The following GFPT1 variants were observed in gnomAD, a reference collection of about 807,000 sequenced individuals.
GFPT1 encodes the protein glutamine--fructose-6-phosphate transaminase 1.
A neutral mutation model predicts 92.0 loss-of-function variants in GFPT1; 40 were observed. The observed-to-expected ratio is 0.43, with a 90% confidence interval of 0.34 to 0.57. GFPT1 has a LOEUF of 0.57. Ranked by LOEUF, GFPT1 falls within the 20% of genes least tolerant of loss-of-function variation. The pLI is 0.02. For missense variants in GFPT1, 448 were observed against 869.1 expected (o/e 0.52, Z 6.09); for synonymous variants, 269 against 280.6 (o/e 0.96, Z 0.41).
chr2:69,328,140 T>A (rs1471393864), intron 18 of GFPT1, 131 bp downstream of exon 18: 2 of 726,568 alleles, frequency 2.8e-6, no homozygotes, highest in Non-Finnish European at 5.0e-6. Context: ...ATTCCTCACA[T>A]GTAAACCTCA....
intron 12 of GFPT1, among the ~76,000 whole-genome samples, chr2:69,344,184 A>G (rs1671023990): frequency 7.3e-6 from 1 of 136,416 alleles, no homozygotes; most frequent in Non-Finnish European, 1.6e-5. Flanking sequence ...ATAAAAGCAA[A>G]GCAAAAAAAA....
At chr2:69,330,975 CA>C (rs1345507989) in intron 15 of GFPT1, among the ~76,000 whole-genome samples, 1 of 152,104 alleles carries the variant, frequency 6.6e-6, no homozygotes, top group Admixed American at 6.5e-5. Flanking sequence ...CACACAGGCT[CA>C]AAACGTACTA....
At chr2:69,378,154 G>A (rs892222851) in intron 1 of GFPT1, among the ~76,000 whole-genome samples, 8 of 152,204 alleles carry the variant, frequency 5.3e-5, no homozygotes, top group South Asian at 2.1e-4. Flanking sequence ...TACAGTGGCC[G>A]CCGCCATGCC....
At chr2:69,334,410 T>C (rs1169087150) in intron 15 of GFPT1, among the ~76,000 whole-genome samples, 4 of 152,146 alleles carry the variant, frequency 2.6e-5, no homozygotes, top group Non-Finnish European at 5.9e-5. Context: ...ACTAAAAAGA[T>C]GCTAATTTTT....
intron 15 of GFPT1, among the ~76,000 whole-genome samples, chr2:69,332,497 T>G (rs1025319668): frequency 6.6e-6 from 1 of 151,656 alleles, no homozygotes; most frequent in Non-Finnish European, 1.5e-5. Flanking sequence ...CGTGTTTTTT[T>G]AGTAGAGACG....
chr2:69,356,705 CACTT>C (rs1671346396), intron 6 of GFPT1, 148 bp from the exon 7 acceptor site: 1 of 686,424 alleles, frequency 1.5e-6, no homozygotes, highest in African/African-American at 1.8e-5. Context: ...TTTAAGTAAA[CACTT>C]ACTCCTAAGC....
At chr2:69,340,408 C>T (rs151152343) in intron 13 of GFPT1, among the ~76,000 whole-genome samples, 23 of 152,152 alleles carry the variant, frequency 1.5e-4, no homozygotes, top group African/African-American at 4.8e-4. Flanking sequence ...CCACTGAATG[C>T]CACTACAAAA....
chr2:69,329,048 C>T (rs567963581), intron 17 of GFPT1, among the ~76,000 whole-genome samples: 1 of 152,198 alleles, frequency 6.6e-6, no homozygotes, highest in South Asian at 2.1e-4. Flanking sequence ...AATCTTTATT[C>T]ATATTTGAAC....
At chr2:69,343,060 G>C (rs971033559) in intron 12 of GFPT1, among the ~76,000 whole-genome samples, 10 of 152,106 alleles carry the variant, frequency 6.6e-5, no homozygotes, top group African/African-American at 2.4e-4. Flanking sequence ...CTCTTACAGT[G>C]ATCCTTTAAA....
intron 19 of GFPT1, among the ~76,000 whole-genome samples, chr2:69,326,467 A>G (rs549646205): frequency 2.0e-5 from 3 of 152,346 alleles, no homozygotes; most frequent in Non-Finnish European, 4.4e-5. Flanking sequence ...GTTCACACAG[A>G]AAGAGCTACT....
intron 3 of GFPT1, among the ~76,000 whole-genome samples, chr2:69,366,129 T>C (rs749374343): frequency 1.4e-5 from 2 of 147,892 alleles, no homozygotes; most frequent in Admixed American, 6.6e-5. Context: ...GACAACTTTT[T>C]TAAGCTAACT....
intron 15 of GFPT1, among the ~76,000 whole-genome samples, chr2:69,336,816 C>A (rs1454211154): frequency 6.6e-6 from 1 of 151,802 alleles, no homozygotes; most frequent in Non-Finnish European, 1.5e-5. Flanking sequence ...CCAAACAAAC[C>A]TAAAACCCCA....
intron 3 of GFPT1, among the ~76,000 whole-genome samples, chr2:69,364,814 G>A (rs1365351860): frequency 6.6e-6 from 1 of 151,990 alleles, no homozygotes; most frequent in Non-Finnish European, 1.5e-5. Flanking sequence ...TACCAACATG[G>A]TGAAACCCTG....
At chr2:69,346,460 G>A (rs1006188417) in intron 11 of GFPT1, among the ~76,000 whole-genome samples, 2 of 151,944 alleles carry the variant, frequency 1.3e-5, no homozygotes, top group African/African-American at 2.4e-5. Context: ...GGCTGGTCTC[G>A]AACTCCTGAC....
At chr2:69,327,193 C>A in intron 18 of GFPT1, 118 bp from the exon 19 acceptor site, 1 of 812,476 alleles carries the variant, frequency 1.2e-6, no homozygotes, top group Admixed American at 1.9e-5. Flanking sequence ...GGACAGACTT[C>A]TTTAAATTCC....
intron 1 of GFPT1, among the ~76,000 whole-genome samples, chr2:69,383,061 A>G (rs962816427): frequency 1.3e-5 from 2 of 152,230 alleles, no homozygotes; most frequent in African/African-American, 4.8e-5. Context: ...ACCTGCAAGT[A>G]TCTTCTAACA....
chr2:69,328,587 G>A (rs1670586240), intron 17 of GFPT1, 149 bp from the exon 18 acceptor site: 3 of 595,040 alleles, frequency 5.0e-6, no homozygotes, highest in African/African-American at 1.9e-5. Context: ...TATCTAACAA[G>A]TTAATAGATC....
At chr2:69,379,133 T>C (rs1049067544) in intron 1 of GFPT1, among the ~76,000 whole-genome samples, 1 of 152,138 alleles carries the variant, frequency 6.6e-6, no homozygotes, top group African/African-American at 2.4e-5. Context: ...TGCTACAGAA[T>C]TGTGAAAATC....
At chr2:69,367,509 C>T (rs773852596) in intron 3 of GFPT1, among the ~76,000 whole-genome samples, 51 of 152,102 alleles carry the variant, frequency 3.4e-4, no homozygotes, top group Admixed American at 1.4e-3. Context: ...TACAGGTGCA[C>T]GCCGCCACAC....
Sources: gnomAD v4.1 joint callset for allele counts (sites outside exome capture counted in the v4.1 genomes callset) on GRCh38, gnomAD v4.1.1 for gene constraint, MANE v1.5 for transcripts, NCBI Gene and HGNC (gene_info 2026-07-23, HGNC 2026-07-21) for gene names.